Variants in EGFLAM observed in about 807,000 individuals in gnomAD.
EGFLAM encodes EGF like, fibronectin type III and laminin G domains, also known as pikachurin.
In EGFLAM, 79 loss-of-function variants were observed where a neutral mutation model predicts 113.1. The observed-to-expected ratio is 0.70, with a 90% CI of 0.58 to 0.84. The LOEUF is 0.84. Ranked by LOEUF, EGFLAM falls within the 40% of genes least tolerant of loss-of-function variation. The pLI is 0.00. For synonymous variants in EGFLAM, 504 were observed against 487.6 expected, an observed-to-expected ratio of 1.03 and a Z score of -0.44; for missense variants, 1,265 against 1,291.6, an observed-to-expected ratio of 0.98 and a Z score of 0.32.
chr5:38,330,737 G>C (rs1027239299), intron 1 of EGFLAM, among the ~76,000 whole-genome samples: 1 of 152,178 alleles, frequency 6.6e-6, no homozygotes, highest in Admixed American at 6.5e-5. Flanking sequence ...GACTATGGGT[G>C]AGGCTGTGCT....
At chr5:38,335,144 C>T (rs1330993997) in intron 1 of EGFLAM, among the ~76,000 whole-genome samples, 1 of 152,036 alleles carries the variant, frequency 6.6e-6, no homozygotes, top group Non-Finnish European at 1.5e-5. Context: ...ATTGAATGCA[C>T]CTAAAGATTT....
At chr5:38,316,076 C>CCAAA (rs761893507) in intron 1 of EGFLAM, among the ~76,000 whole-genome samples, 15 of 125,342 alleles carry the variant, frequency 1.2e-4, no homozygotes, top group African/African-American at 1.7e-4. Context: ...GACTCTGTCC[C>CCAAA]AAAAAAAAAA....
intron 13 of EGFLAM, 27 bp from the exon 14 acceptor site, chr5:38,426,982 T>C: frequency 6.2e-7 from 1 of 1,611,514 alleles, no homozygotes; most frequent in Non-Finnish European, 8.5e-7. Flanking sequence ...CACAGAGGGA[T>C]TTCTAACACC....
intron 5 of EGFLAM, among the ~76,000 whole-genome samples, chr5:38,364,407 G>A (rs1740006138): frequency 6.6e-6 from 1 of 152,140 alleles, no homozygotes; most frequent in African/African-American, 2.4e-5. Flanking sequence ...AGGGGAGGGA[G>A]GAAGCAACAT....
intron 1 of EGFLAM, among the ~76,000 whole-genome samples, chr5:38,265,376 C>T (rs887784725): frequency 6.6e-6 from 1 of 152,176 alleles, no homozygotes; most frequent in African/African-American, 2.4e-5. Flanking sequence ...CCTGGCAGGC[C>T]GGACTGTAGT....
intron 14 of EGFLAM, among the ~76,000 whole-genome samples, chr5:38,429,148 T>G (rs1000951730): frequency 6.6e-6 from 1 of 152,232 alleles, no homozygotes; most frequent in Admixed American, 6.5e-5. Flanking sequence ...CATTATGAAC[T>G]TGATTAAAAA....
chr5:38,433,044 C>T (rs1340896103), intron 15 of EGFLAM, among the ~76,000 whole-genome samples: 1 of 152,166 alleles, frequency 6.6e-6, no homozygotes, highest in Non-Finnish European at 1.5e-5. Context: ...CACTGTGAAC[C>T]AGGAGTGGGA....
At chr5:38,390,825 C>T (rs544277104) in intron 6 of EGFLAM, among the ~76,000 whole-genome samples, 10 of 151,938 alleles carry the variant, frequency 6.6e-5, no homozygotes, top group Admixed American at 6.6e-4. Flanking sequence ...GGTATAAATA[C>T]CCATGTATAT....
chr5:38,459,395 A>G (rs977563274), intron 20 of EGFLAM, among the ~76,000 whole-genome samples: 2 of 152,082 alleles, frequency 1.3e-5, no homozygotes, highest in Non-Finnish European at 2.9e-5. Context: ...CACAGAGGTA[A>G]TCACCATCCT....
chr5:38,296,737 A>G (rs1758461281), intron 1 of EGFLAM, among the ~76,000 whole-genome samples: 1 of 151,528 alleles, frequency 6.6e-6, no homozygotes, highest in Non-Finnish European at 1.5e-5. Context: ...ATATGTATGT[A>G]ATTTTGTAAT....
At chr5:38,276,381 A>G (rs773984037) in intron 1 of EGFLAM, among the ~76,000 whole-genome samples, 37 of 152,232 alleles carry the variant, frequency 2.4e-4, no homozygotes, top group Non-Finnish European at 4.6e-4. Context: ...GAGAAAAATG[A>G]AAATAGAATT....
At chr5:38,366,154 T>C (rs1740054182) in intron 5 of EGFLAM, among the ~76,000 whole-genome samples, 1 of 152,124 alleles carries the variant, frequency 6.6e-6, no homozygotes, top group African/African-American at 2.4e-5. Context: ...CAGTACCCAC[T>C]CTTTGGATCC....
At chr5:38,317,909 G>A (rs1738642763) in intron 1 of EGFLAM, among the ~76,000 whole-genome samples, 1 of 152,074 alleles carries the variant, frequency 6.6e-6, no homozygotes, top group Non-Finnish European at 1.5e-5. Flanking sequence ...CAGATGTGCT[G>A]CCTTATGTGC....
At chr5:38,269,497 T>C (rs546389505) in intron 1 of EGFLAM, among the ~76,000 whole-genome samples, 71 of 151,172 alleles carry the variant, frequency 4.7e-4, no homozygotes, top group East Asian at 1.9e-3. Flanking sequence ...CTTTTCTTTT[T>C]TTTTTTTTTT....
chr5:38,266,066 C>G (rs1757627418), intron 1 of EGFLAM, among the ~76,000 whole-genome samples: 1 of 152,192 alleles, frequency 6.6e-6, no homozygotes, highest in Non-Finnish European at 1.5e-5. Flanking sequence ...TCCTTAGACT[C>G]TAAGCTGACC....
intron 1 of EGFLAM, among the ~76,000 whole-genome samples, chr5:38,298,500 T>C (rs1478829935): frequency 6.6e-6 from 1 of 152,184 alleles, no homozygotes; most frequent in African/African-American, 2.4e-5. Flanking sequence ...AAATCATTTG[T>C]AGAAACTCCT....
intron 3 of EGFLAM, among the ~76,000 whole-genome samples, chr5:38,339,720 G>C (rs1739285725): frequency 6.6e-6 from 1 of 152,190 alleles, no homozygotes; most frequent in African/African-American, 2.4e-5. Flanking sequence ...AGCATCAACT[G>C]TAAACTCAGA....
At chr5:38,449,310 C>T (rs1742829434) in intron 18 of EGFLAM, among the ~76,000 whole-genome samples, 1 of 152,170 alleles carries the variant, frequency 6.6e-6, no homozygotes, top group African/African-American at 2.4e-5. Flanking sequence ...GAGGAATTCT[C>T]CTAGGGCATT....
At chr5:38,332,866 G>A (rs1338962472) in intron 1 of EGFLAM, among the ~76,000 whole-genome samples, 3 of 152,208 alleles carry the variant, frequency 2.0e-5, no homozygotes, top group Non-Finnish European at 2.9e-5. Flanking sequence ...ACAACCTTCA[G>A]TGTGCGCGTC....
Sources: allele counts gnomAD v4.1 joint callset (sites outside exome capture counted in the v4.1 genomes callset), GRCh38; gene constraint gnomAD v4.1.1; transcripts MANE v1.5; gene names NCBI Gene and HGNC (gene_info 2026-07-23, HGNC 2026-07-21).